TEX9: variants seen among roughly 807,000 people sequenced by gnomAD.
TEX9 encodes the protein testis-expressed protein 9.
TEX9 carries 74 observed loss-of-function variants against 59.6 expected under a neutral mutation model. The observed-to-expected ratio is 1.24, with a 90% CI of 1.03 to 1.51. TEX9 has a LOEUF of 1.51. TEX9 is among the 40% of genes most tolerant of loss of function. The probability of loss-of-function intolerance (pLI) is 0.00; values close to 1 mark genes in which losing one functional copy is unlikely to be tolerated. For synonymous variants in TEX9, 186 were observed against 152.2 expected (o/e 1.22, Z -1.64); for missense variants, 522 against 447.8 (o/e 1.17, Z -1.49).
At chr15:56,277,249 G>T (rs572045196) in intron 1 of TEX9, among the ~76,000 whole-genome samples, 8 of 152,016 alleles carry the variant, frequency 5.3e-5, no homozygotes, top group Non-Finnish European at 8.8e-5. Context: ...GTCTTTGTCC[G>T]TGCCTATGTC....
At chr15:56,379,425 C>CA (rs1182409553) in intron 3 of TEX9, among the ~76,000 whole-genome samples, 1 of 152,110 alleles carries the variant, frequency 6.6e-6, no homozygotes, top group African/African-American at 2.4e-5. Context: ...GATATTATTT[C>CA]AGTTTTTAAA....
At chr15:56,316,664 G>T (rs1397167067) in intron 1 of TEX9, among the ~76,000 whole-genome samples, 2 of 152,316 alleles carry the variant, frequency 1.3e-5, no homozygotes, top group African/African-American at 2.4e-5. Context: ...TCCTTGAGCT[G>T]TGGTGGGCTC....
At chr15:56,378,397 C>A (rs538165775) in intron 3 of TEX9, among the ~76,000 whole-genome samples, 31 of 151,282 alleles carry the variant, frequency 2.0e-4, no homozygotes, top group African/African-American at 7.5e-4. Flanking sequence ...AGTCTTGTTA[C>A]TTATTATTGT....
At chr15:56,365,878 C>G in intron 2 of TEX9, 1 of 1,380,904 alleles carries the variant, frequency 7.2e-7, no homozygotes, top group Non-Finnish European at 9.4e-7. Flanking sequence ...TTGAAGTGGG[C>G]GAAAATTTAG....
At chr15:56,252,912 C>A (rs554090159) in intron 1 of TEX9, among the ~76,000 whole-genome samples, 6 of 152,208 alleles carry the variant, frequency 3.9e-5, no homozygotes, top group Middle Eastern at 6.8e-3. Context: ...AAAAATATTT[C>A]TGAAAATACT....
Position 56,271,630 on chromosome 15 carries a change from A to G in TEX9, c.-107+27352A>G, listed in dbSNP as rs982901818. ...CCTGTTTATCCCAGGAAATGTTCCT[A>G]TATTGAAGTCGTATTTTCTGATATT... is the stretch of plus-strand genomic sequence containing the variant. On this transcript the variant is annotated intron_variant, in intron 1 of 5. Transcript: ENST00000560827. Among the ~76,000 whole-genome samples, 6 of 151,998 alleles carry G rather than the reference A, an allele frequency of 3.9e-5. No individual in the cohort carries two copies. In the East Asian group the frequency reaches 5.8e-4, roughly 15 times the overall value.
intron 12 of TEX9, chr15:56,429,014 T>C: frequency 1.4e-6 from 1 of 696,554 alleles, no homozygotes; most frequent in Non-Finnish European, 2.3e-6. Context: ...AATGGATACC[T>C]AATGCCACTG....
chr15:56,405,099 G>T (rs1423157599), intron 9 of TEX9, among the ~76,000 whole-genome samples: 1 of 152,048 alleles, frequency 6.6e-6, no homozygotes, highest in Non-Finnish European at 1.5e-5. Flanking sequence ...CCTGCACGTT[G>T]TGCACATGTA....
At position 56,394,772 on chromosome 15, in the gene TEX9, CTT is replaced by C. The variant is rs780583172; in HGVS notation, c.769_770del (p.Phe257ArgfsTer8). 6.2e-6 allele frequency: 10 copies of C among 1,612,964 alleles called. No individual in the cohort carries two copies. Among genetic ancestry groups the C allele is most frequent in the African/African-American group, 2.7e-5 (2 of 74,882 alleles). ...GTCTCAAGTAGAAAAATACAAAACT[CTT>C]TTCGAAGAAGCAAACAAAAAGTATG... On this transcript the variant is annotated frameshift_variant, in exon 9 of 13. Transcript: ENST00000352903. LOFTEE classifies it high-confidence loss of function.
intron 1 of TEX9, among the ~76,000 whole-genome samples, chr15:56,261,857 A>AT (rs2044277465): frequency 6.6e-6 from 1 of 152,202 alleles, no homozygotes; most frequent in South Asian, 2.1e-4. Flanking sequence ...GACCCAAGGA[A>AT]TATGCCACCC....
chr15:56,379,065 A>G (rs2047595235), intron 3 of TEX9, among the ~76,000 whole-genome samples: 1 of 125,972 alleles, frequency 7.9e-6, no homozygotes, highest in Admixed American at 8.2e-5. Context: ...CTCTATCTCA[A>G]AGAAACAAAA....
intron 1 of TEX9, among the ~76,000 whole-genome samples, chr15:56,297,579 A>G (rs1222458570): frequency 1.3e-5 from 2 of 152,140 alleles, no homozygotes; most frequent in Non-Finnish European, 2.9e-5. Flanking sequence ...ATCTTGGCTC[A>G]CTGCAACCTC....
At chr15:56,273,669 A>G (rs1407369430) in intron 1 of TEX9, among the ~76,000 whole-genome samples, 1 of 152,136 alleles carries the variant, frequency 6.6e-6, no homozygotes, top group African/African-American at 2.4e-5. Context: ...GAAAGTCTTT[A>G]TTTCTTCTTT....
chr15:56,244,944 A>G (rs2043811703), intron 1 of TEX9, among the ~76,000 whole-genome samples: 1 of 152,284 alleles, frequency 6.6e-6, no homozygotes, highest in East Asian at 1.9e-4. Context: ...GTAGAATACA[A>G]CAGCCAAGGC....
At chr15:56,281,594 A>G (rs986016732) in intron 1 of TEX9, among the ~76,000 whole-genome samples, 9 of 152,208 alleles carry the variant, frequency 5.9e-5, no homozygotes, top group African/African-American at 9.6e-5. Context: ...TTCCATGGCA[A>G]TGGTCCCTGG....
At chr15:56,402,380 A>G (rs1356343136) in intron 9 of TEX9, among the ~76,000 whole-genome samples, 1 of 152,246 alleles carries the variant, frequency 6.6e-6, no homozygotes, top group Non-Finnish European at 1.5e-5. Context: ...TAAACTAGAA[A>G]ATCTAGAAGA....
At chr15:56,456,562 C>CA in the TEX9 span, 1 of 1,587,340 alleles carries the variant, frequency 6.3e-7, no homozygotes, top group Non-Finnish European at 8.5e-7. Context: ...CCTCTAGAAT[C>CA]AGATTTTTTT....
chr15:56,329,114 A>C (rs1479850210), intron 1 of TEX9, among the ~76,000 whole-genome samples: 4 of 152,174 alleles, frequency 2.6e-5, no homozygotes, highest in Non-Finnish European at 5.9e-5. Flanking sequence ...GGAGAAAGTA[A>C]GGGGAGAGAA....
chr15:56,381,067 G>A (rs1457213432), intron 3 of TEX9, among the ~76,000 whole-genome samples: 2 of 151,858 alleles, frequency 1.3e-5, no homozygotes. Flanking sequence ...TTGCCCTTTT[G>A]AGCCTATTTT....
Sources: allele counts gnomAD v4.1 joint callset (sites outside exome capture counted in the v4.1 genomes callset), GRCh38; gene constraint gnomAD v4.1.1; transcripts MANE v1.5; gene names NCBI Gene and HGNC (gene_info 2026-07-23, HGNC 2026-07-21).